AGBL2: variants seen among roughly 807,000 people sequenced by gnomAD.
The protein encoded by AGBL2 is cytosolic carboxypeptidase 2.
In AGBL2, 87 loss-of-function variants were observed where a neutral mutation model predicts 103.0. That is an observed-to-expected ratio of 0.84 (90% CI 0.71 to 1.01). The LOEUF (loss-of-function observed/expected upper bound fraction) is 1.01, where lower values mean the gene tolerates loss of function less well. AGBL2 is among the 50% of genes least tolerant of loss of function. AGBL2 has a pLI of 0.00. For missense variants in AGBL2, 904 were observed against 1,023.5 expected, an observed-to-expected ratio of 0.88 and a Z score of 1.59; for synonymous variants, 335 against 356.7, an observed-to-expected ratio of 0.94 and a Z score of 0.69.
intron 17 of AGBL2, 90 bp downstream of exon 17, chr11:47,666,866 G>A: frequency 1.2e-6 from 1 of 844,814 alleles, no homozygotes; most frequent in Non-Finnish European, 2.0e-6. Flanking sequence ...AACGTAAATG[G>A]CTATTACATT....
In AGBL2 at chr11:47,700,288, G is replaced by T. The variant is rs570611170; in HGVS notation, c.587-735C>A. On this transcript the variant is annotated intron_variant, in intron 7 of 18. Coordinates refer to ENST00000525123, the MANE Select transcript of AGBL2 (RefSeq NM_024783.4). ...TTTTCATTAACACTGAATTTAAAAA[G>T]ATTTCTTTGGCTGGGTGCAGCGGCT... Among the ~76,000 whole-genome samples the T allele has an allele frequency of 5.9e-5, 9 of 152,144 alleles. No homozygotes were observed. The East Asian group carries it at 1.4e-3, about 23-fold the overall frequency.
intron 7 of AGBL2, among the ~76,000 whole-genome samples, chr11:47,701,418 C>T (rs545927751): frequency 5.4e-5 from 8 of 147,128 alleles, no homozygotes; most frequent in Admixed American, 1.4e-4. Flanking sequence ...TGCAGTGAGC[C>T]GAGATTGTGC....
At chr11:47,696,506 C>T (rs2097474667) in intron 8 of AGBL2, among the ~76,000 whole-genome samples, 1 of 152,104 alleles carries the variant, frequency 6.6e-6, no homozygotes, top group Non-Finnish European at 1.5e-5. Flanking sequence ...TCAGCTGATC[C>T]ACCTGCCTTG....
chr11:47,696,037 G>GAAAAAAAAAAAAAAAAGA (rs71045503), intron 8 of AGBL2, among the ~76,000 whole-genome samples: 1 of 88,906 alleles, frequency 1.1e-5, no homozygotes, highest in Non-Finnish European at 2.0e-5. Context: ...AAAAAAAAAA[G>GAAAAAAAAAAAAAAAAGA]AAAAAAAAAA....
At chr11:47,661,812 C>T (rs940525160) in intron 18 of AGBL2, among the ~76,000 whole-genome samples, 2 of 150,712 alleles carry the variant, frequency 1.3e-5, no homozygotes, top group Non-Finnish European at 1.5e-5. Context: ...TGCAGTGGTG[C>T]GATCTCTGCT....
At chr11:47,685,567 A>G (rs546079716) in intron 11 of AGBL2, among the ~76,000 whole-genome samples, 1 of 152,208 alleles carries the variant, frequency 6.6e-6, no homozygotes, top group Admixed American at 6.6e-5. Flanking sequence ...CATTACAGGC[A>G]TGTGCCACCA....
At chr11:47,668,812 T>C (rs1234217269) in intron 15 of AGBL2, 29 bp downstream of exon 15, 8 of 1,583,412 alleles carry the variant, frequency 5.1e-6, no homozygotes, top group African/African-American at 1.3e-5. Context: ...TTAAGGCTGC[T>C]ATTTCCTGGG....
intron 8 of AGBL2, among the ~76,000 whole-genome samples, chr11:47,698,168 ATT>A (rs35161992): frequency 2.5e-5 from 2 of 79,800 alleles, no homozygotes; most frequent in Admixed American, 1.7e-4. Context: ...AGTCTACATA[ATT>A]TTTTTTTTTT....
rs530387529 is a variant in AGBL2 at position 47,697,714 on chromosome 11, T to G, written c.694+1732A>C. Among the ~76,000 whole-genome samples, 198 of 151,230 alleles carry G rather than the reference T, an allele frequency of 1.3e-3. 1 individual carries two copies. Among genetic ancestry groups the G allele is most frequent in the African/African-American group, 4.6e-3 (190 of 41,156 alleles). On this transcript the variant is annotated intron_variant, in intron 8 of 18. Transcript: ENST00000525123. The stretch of plus-strand genomic sequence containing the variant: ...GCGTGTGCCACCACGCCCGGCTATT[T>G]TTTTTGTATTTTTAGTAGACACGGA...
chr11:47,671,849 C>T (rs2097358535), intron 14 of AGBL2, among the ~76,000 whole-genome samples: 1 of 152,178 alleles, frequency 6.6e-6, no homozygotes, highest in African/African-American at 2.4e-5. Context: ...CAGTATGTCC[C>T]AGAAAGTGTC....
intron 14 of AGBL2, among the ~76,000 whole-genome samples, chr11:47,671,005 A>AT (rs1313333296): frequency 6.6e-6 from 1 of 151,824 alleles, no homozygotes; most frequent in Non-Finnish European, 1.5e-5. Context: ...AAAAAAAAAA[A>AT]GGTTTGGATG....
At chr11:47,692,857 A>C (rs1011685802) in intron 8 of AGBL2, among the ~76,000 whole-genome samples, 2 of 151,928 alleles carry the variant, frequency 1.3e-5, no homozygotes, top group Non-Finnish European at 2.9e-5. Flanking sequence ...TCACTCTATC[A>C]CCCAGGCTGG....
intron 8 of AGBL2, among the ~76,000 whole-genome samples, chr11:47,692,658 C>T (rs1049601003): frequency 4.6e-5 from 7 of 151,474 alleles, no homozygotes; most frequent in Non-Finnish European, 5.9e-5. Context: ...GTGATCTGCC[C>T]GTCTCAGCCT....
intron 5 of AGBL2, 77 bp downstream of exon 5, chr11:47,705,787 T>C: frequency 7.8e-7 from 1 of 1,275,270 alleles, no homozygotes; most frequent in South Asian, 1.2e-5. Context: ...TTCTTAGGTC[T>C]GGTGGGAACA....
At chr11:47,676,763 G>C (rs1180363192) in intron 14 of AGBL2, among the ~76,000 whole-genome samples, 1 of 147,588 alleles carries the variant, frequency 6.8e-6, no homozygotes, top group Non-Finnish European at 1.5e-5. Flanking sequence ...AGCTTGCGGT[G>C]AGTGGAGATC....
chr11:47,660,556 AT>A (rs11380369), intron 18 of AGBL2, among the ~76,000 whole-genome samples: 171 of 143,338 alleles, frequency 1.2e-3, no homozygotes, highest in Middle Eastern at 7.0e-3. Context: ...CATGAGACAC[AT>A]TTTTTTTTTT....
intron 8 of AGBL2, among the ~76,000 whole-genome samples, chr11:47,698,768 C>T (rs905099431): frequency 2.6e-5 from 4 of 152,092 alleles, no homozygotes; most frequent in African/African-American, 9.6e-5. Context: ...TATTCAATTT[C>T]CACATATTTA....
intron 18 of AGBL2, among the ~76,000 whole-genome samples, chr11:47,660,699 G>A (rs868834844): frequency 1.4e-5 from 2 of 143,658 alleles, no homozygotes; most frequent in African/African-American, 2.6e-5. Flanking sequence ...GACTACAGGC[G>A]TGCACCACCA....
chr11:47,714,528 C>T, intron 2 of AGBL2, 90 bp downstream of exon 2: 6 of 1,434,684 alleles, frequency 4.2e-6, no homozygotes, highest in East Asian at 2.3e-5. Context: ...CAGAACATCC[C>T]TTCTCATCTA....
Sources: allele counts gnomAD v4.1 joint callset (sites outside exome capture counted in the v4.1 genomes callset), GRCh38; gene constraint gnomAD v4.1.1; transcripts MANE v1.5; gene names NCBI Gene and HGNC (gene_info 2026-07-23, HGNC 2026-07-21).